COL21A1: variants seen among roughly 807,000 people sequenced by gnomAD.
COL21A1 encodes collagen type XXI alpha 1 chain, also known as collagen alpha-1(XXI) chain.
In COL21A1, 149 loss-of-function variants were observed where a neutral mutation model predicts 137.9. The observed-to-expected ratio is 1.08, with a 90% CI of 0.95 to 1.24. The LOEUF (loss-of-function observed/expected upper bound fraction) is 1.24. Among genes scored for constraint, COL21A1 ranks in the 50% most tolerant of loss-of-function variants. COL21A1 has a pLI of 0.00. For synonymous variants in COL21A1, 456 were observed against 391.5 expected, an observed-to-expected ratio of 1.16 and a Z score of -1.95; for missense variants, 1,167 against 1,158.4, an observed-to-expected ratio of 1.01 and a Z score of -0.11.
intron 16 of COL21A1, among the ~76,000 whole-genome samples, chr6:56,111,469 C>A (rs973612446): frequency 1.1e-4 from 17 of 152,048 alleles, no homozygotes. Context: ...GACAAATATA[C>A]CATAGTAATA....
At chr6:56,096,091 C>T (rs1442242019) in intron 17 of COL21A1, among the ~76,000 whole-genome samples, 1 of 152,150 alleles carries the variant, frequency 6.6e-6, no homozygotes, top group African/African-American at 2.4e-5. Flanking sequence ...AAGTAATCCA[C>T]CTGCCTTGGC....
chr6:56,353,473 T>G (rs114801345), intron 1 of COL21A1, among the ~76,000 whole-genome samples: 1 of 152,184 alleles, frequency 6.6e-6, no homozygotes, highest in Admixed American at 6.5e-5. Flanking sequence ...AGCCTCCAGA[T>G]GACCCAGTCC....
At chr6:56,177,002 G>A (rs1360138219) in intron 3 of COL21A1, among the ~76,000 whole-genome samples, 4 of 150,072 alleles carry the variant, frequency 2.7e-5, no homozygotes, top group Non-Finnish European at 5.9e-5. Flanking sequence ...GGAGGAAGGA[G>A]GAGGGAGAAG....
chr6:56,303,302 A>G (rs1764349224), intron 1 of COL21A1, among the ~76,000 whole-genome samples: 1 of 152,180 alleles, frequency 6.6e-6, no homozygotes, highest in Non-Finnish European at 1.5e-5. Flanking sequence ...ATGGCATTGA[A>G]TCTATAAATT....
chr6:56,166,893 C>T lies in COL21A1; in HGVS notation c.1278+13G>A, dbSNP rs376009968. 778 of 1,604,924 alleles carry T rather than the reference C, an allele frequency of 4.8e-4. No homozygotes were observed. The highest frequency in any genetic ancestry group is 6.3e-4 in the Non-Finnish European group (744 of 1,173,794). On this transcript the variant is annotated intron_variant, in intron 7 of 29. Coordinates refer to ENST00000244728, the MANE Select transcript of COL21A1 (RefSeq NM_030820.4). ...AAGCAACATCTGGGAAAAAAACAAT[C>T]CCTCCTACTTACAAATCCAGGAATC...
intron 1 of COL21A1, among the ~76,000 whole-genome samples, chr6:56,369,709 C>T (rs1766186724): frequency 6.6e-6 from 1 of 151,994 alleles, no homozygotes; most frequent in Admixed American, 6.6e-5. Flanking sequence ...GAAATATGGG[C>T]AAAGGATGTA....
chr6:56,179,975 A>T lies in COL21A1; in HGVS notation c.243T>A (p.Tyr81Ter). 1 of 1,613,938 alleles carries T rather than the reference A, an allele frequency of 6.2e-7. No homozygotes were observed. Among genetic ancestry groups the T allele is most frequent in the Non-Finnish European group, 8.5e-7 (1 of 1,179,852 alleles). The change falls in exon 3 of 30, where the codon TAT (tyrosine) becomes TAA (stop). Residue 81 changes from tyrosine to a stop codon, truncating the protein, a stop_gained. Coordinates refer to ENST00000244728, the MANE Select transcript of COL21A1 (RefSeq NM_030820.4). LOFTEE classifies it high-confidence loss of function. Reference sequence around the variant, plus strand: ...GAATCTCCAGCACAGGGTAGTCACTATATTGAACCACTCCAACTTGAATAA... The same window carrying T: ...GAATCTCCAGCACAGGGTAGTCACTTTATTGAACCACTCCAACTTGAATAA... ...PKFIQVGVVQ[Y>*]SDYPVLEIPL...
At chr6:56,278,524 C>T (rs1024630901) in intron 1 of COL21A1, among the ~76,000 whole-genome samples, 1 of 152,204 alleles carries the variant, frequency 6.6e-6, no homozygotes, top group Non-Finnish European at 1.5e-5. Flanking sequence ...CTTCATATGG[C>T]CCAAGACACT....
At chr6:56,196,979 T>C (rs994565187) in intron 1 of COL21A1, among the ~76,000 whole-genome samples, 3 of 152,074 alleles carry the variant, frequency 2.0e-5, no homozygotes, top group African/African-American at 4.8e-5. Context: ...TGATTCAAGT[T>C]ATATTATAAA....
intron 7 of COL21A1, 52 bp downstream of exon 7, chr6:56,166,854 C>A: frequency 7.5e-7 from 1 of 1,327,016 alleles, no homozygotes; most frequent in Non-Finnish European, 1.1e-6. Context: ...TTATTTATTG[C>A]TTTGAAAGTA....
At chr6:56,204,080 G>A (rs1383516297) in intron 1 of COL21A1, among the ~76,000 whole-genome samples, 1 of 151,954 alleles carries the variant, frequency 6.6e-6, no homozygotes, top group Non-Finnish European at 1.5e-5. Flanking sequence ...GAGTTTTTTT[G>A]TTTGTTTTTG....
At chr6:56,087,005 T>A (rs989795206) in intron 17 of COL21A1, among the ~76,000 whole-genome samples, 1 of 152,240 alleles carries the variant, frequency 6.6e-6, no homozygotes, top group African/African-American at 2.4e-5. Context: ...TGATTTGGTG[T>A]CTGTTACCTC....
At chr6:56,182,802 A>G (rs753888028) in intron 1 of COL21A1, 146 bp from the exon 2 acceptor site, 29 of 545,332 alleles carry the variant, frequency 5.3e-5, no homozygotes, top group Non-Finnish European at 8.8e-5. Flanking sequence ...AAAACAGCCA[A>G]ATGTTAAATA....
At position 56,166,982 on chromosome 6, in the gene COL21A1, A is replaced by G; in HGVS notation, c.1202T>C (p.Phe401Ser). 6.2e-7 allele frequency: 1 copy of G among 1,608,868 alleles called. No individual in the cohort carries two copies. Among genetic ancestry groups the G allele is most frequent in the Admixed American group, 1.7e-5 (1 of 59,572 alleles). The change falls in exon 7 of 30, where the codon TTT becomes TCT. Residue 401 changes from phenylalanine to serine, a missense_variant and splice_region_variant. Physicochemically the swap from Phe to Ser is radical, Grantham distance 155. Coordinates refer to ENST00000244728, the MANE Select transcript of COL21A1 (RefSeq NM_030820.4). ...KYSGKEETVQ[F>S]DVQKLRIYCD... ...GTAGATTCGCAACTTTTGGACATCA[A>G]ACTAAGAACATAAACCCAGTAGAAT...
At chr6:56,124,031 G>C in intron 16 of COL21A1, 31 bp downstream of exon 16, 1 of 1,416,278 alleles carries the variant, frequency 7.1e-7, no homozygotes, top group South Asian at 1.5e-5. Context: ...AAATCTTTTT[G>C]TTTTGTCCTT....
chr6:56,142,532 G>A (rs538208434), intron 10 of COL21A1, among the ~76,000 whole-genome samples: 1 of 152,186 alleles, frequency 6.6e-6, no homozygotes, highest in African/African-American at 2.4e-5. Context: ...CTTAGGGGAG[G>A]GGGATGAGAG....
chr6:56,158,046 A>C (rs1775887039), intron 9 of COL21A1, among the ~76,000 whole-genome samples: 2 of 152,152 alleles, frequency 1.3e-5, no homozygotes, highest in South Asian at 4.1e-4. Context: ...TGTAAAAAAA[A>C]CATGAAAGCA....
chr6:56,166,756 T>C (rs768478325), intron 7 of COL21A1, 150 bp downstream of exon 7: 15 of 716,866 alleles, frequency 2.1e-5, no homozygotes, highest in Non-Finnish European at 3.8e-5. Flanking sequence ...TCAAAATATG[T>C]TTTGCTTCAT....
At chr6:56,389,766 G>C (rs1482060542) in intron 1 of COL21A1, among the ~76,000 whole-genome samples, 2 of 152,172 alleles carry the variant, frequency 1.3e-5, no homozygotes. Context: ...CAGGGCAAGA[G>C]AGAATGGGAT....
Sources: gnomAD v4.1 joint callset for allele counts (sites outside exome capture counted in the v4.1 genomes callset) on GRCh38, gnomAD v4.1.1 for gene constraint, MANE v1.5 for transcripts, NCBI Gene and HGNC (gene_info 2026-07-23, HGNC 2026-07-21) for gene names.